DYSF: variants seen among roughly 807,000 people sequenced by gnomAD.
DYSF encodes the protein dysferlin.
In DYSF, 212 loss-of-function variants were observed where a neutral mutation model predicts 274.9. The observed-to-expected ratio is 0.77, with a 90% CI of 0.69 to 0.86. The LOEUF (loss-of-function observed/expected upper bound fraction) is 0.86, where lower values mean the gene tolerates loss of function less well. DYSF is among the 40% of genes least tolerant of loss of function. The pLI is 0.00. For synonymous variants in DYSF, 1,091 were observed against 1,078.7 expected (o/e 1.01, Z -0.22); for missense variants, 2,666 against 2,783.2 (o/e 0.96, Z 0.95).
chr2:71,583,436 A>G (rs1449082889), intron 30 of DYSF, among the ~76,000 whole-genome samples: 3 of 152,150 alleles, frequency 2.0e-5, no homozygotes, highest in African/African-American at 4.8e-5. Flanking sequence ...ACTCTGCTGG[A>G]GCAGGGAAGG....
intron 40 of DYSF, among the ~76,000 whole-genome samples, chr2:71,619,626 T>C (rs890171462): frequency 2.0e-5 from 3 of 152,186 alleles, no homozygotes; most frequent in African/African-American, 7.2e-5. Context: ...CTCTGGGTCC[T>C]AGCTGGCTGC....
intron 22 of DYSF, among the ~76,000 whole-genome samples, chr2:71,559,107 T>C (rs912482577): frequency 6.6e-6 from 1 of 152,084 alleles, no homozygotes; most frequent in African/African-American, 2.4e-5. Context: ...GCCTCCCCCT[T>C]CCCCAGGGCT....
At chr2:71,686,032 G>T (rs951680101) in intron 55 of DYSF, among the ~76,000 whole-genome samples, 6 of 152,192 alleles carry the variant, frequency 3.9e-5, no homozygotes, top group African/African-American at 1.4e-4. Context: ...TGTGGGGGAG[G>T]ACCCTGGGCC....
At chr2:71,467,715 G>C (rs767954963) in intron 1 of DYSF, among the ~76,000 whole-genome samples, 1 of 152,272 alleles carries the variant, frequency 6.6e-6, no homozygotes, top group South Asian at 2.1e-4. Context: ...TGTGAGTCAG[G>C]ACCCCAGTTC....
At chr2:71,612,590 A>G in intron 38 of DYSF, 51 bp from the exon 39 acceptor site, 3 of 1,606,496 alleles carry the variant, frequency 1.9e-6, no homozygotes, top group South Asian at 1.1e-5. Context: ...CTTGACCTGG[A>G]GACTTCCCAG....
chr2:71,620,585 G>A lies in DYSF; in HGVS notation c.4503G>A (p.Thr1501=), dbSNP rs531996668. Residue 1501 remains threonine (T), a synonymous_variant, in exon 41 of 56, where the codon ACG becomes ACA. Transcript: ENST00000410020. ...TGTCGAGCTTGGCCCCCACTAACAC[G>A]GCTTCTCCTCCATCCAGTCCTCATG... is the stretch of plus-strand genomic sequence containing the variant. ...DGLSSLAPTN[T]ASPPSSPHEE... is the part of the protein sequence containing the mutation. 2.8e-5 allele frequency: 44 copies of A among 1,551,538 alleles called. 1 individual carries two copies. The East Asian group carries it at 7.8e-4, about 28-fold the overall frequency.
At chr2:71,466,213 C>T (rs954299398), upstream of DYSF, among the ~76,000 whole-genome samples, 3 of 152,122 alleles carry the variant, frequency 2.0e-5, no homozygotes, top group Non-Finnish European at 2.9e-5. Context: ...GGCAATGAGG[C>T]GGGGGGCTCG....
In DYSF at chr2:71,570,272, T is replaced by C. The variant is rs1377670073; in HGVS notation, c.3023T>C (p.Leu1008Pro). 6.2e-7 allele frequency: 1 copy of C among 1,614,122 alleles called. No individual in the cohort carries two copies. Among genetic ancestry groups the C allele is most frequent in the Admixed American group, 1.7e-5 (1 of 60,020 alleles). ...VLPKDDIECP[L>P]GWKWEDEEWS... ...CCCAAGGATGACATTGAGTGCCCAC[T>C]GGGCTGGAAGTGGGAAGATGAGGAA... Residue 1008 changes from leucine (L) to proline (P), a missense_variant, in exon 28 of 56, where the codon CTG becomes CCG. Physicochemically the swap from Leu to Pro is moderately conservative, Grantham distance 98. Coordinates refer to ENST00000410020, the MANE Select transcript of DYSF (RefSeq NM_001130987.2).
intron 30 of DYSF, chr2:71,577,004 A>G (rs1350655866): frequency 6.6e-6 from 1 of 152,332 alleles, no homozygotes; most frequent in African/African-American, 2.4e-5. Flanking sequence ...GGAAGAGACC[A>G]AAGTGGCAAA....
rs534470681 is a variant in DYSF at position 71,569,073 on chromosome 2, A to C, written c.2864+735A>C. 2.0e-5 allele frequency among the ~76,000 whole-genome samples: 3 copies of C among 150,444 alleles called. No homozygotes were observed. The East Asian group carries it at 6.0e-4, about 30-fold the overall frequency. On this transcript the variant is annotated intron_variant, in intron 26 of 55. Transcript: ENST00000410020. ...TGTATTTTAGTAGAGACGAGGTTTC[A>C]CCATGTTAGCCAGGATGGTCTCGAT...
intron 3 of DYSF, among the ~76,000 whole-genome samples, chr2:71,488,176 C>T (rs1227035829): frequency 1.3e-5 from 2 of 151,620 alleles, no homozygotes; most frequent in African/African-American, 2.4e-5. Context: ...TAATTGTCCC[C>T]AATGAAAAGA....
chr2:71,502,137 C>T (rs1284332867), intron 3 of DYSF, among the ~76,000 whole-genome samples: 1 of 149,358 alleles, frequency 6.7e-6, no homozygotes, highest in African/African-American at 2.5e-5. Flanking sequence ...AATAGCCATC[C>T]TAATGGATGT....
intron 5 of DYSF, among the ~76,000 whole-genome samples, chr2:71,513,006 G>T (rs771098630): frequency 4.6e-5 from 7 of 152,190 alleles, no homozygotes; most frequent in Admixed American, 1.3e-4. Flanking sequence ...CTGGGACTGT[G>T]TTGAGGTGGA....
intron 22 of DYSF, among the ~76,000 whole-genome samples, chr2:71,557,856 G>A (rs1458048915): frequency 6.6e-6 from 1 of 151,872 alleles, no homozygotes; most frequent in Non-Finnish European, 1.5e-5. Context: ...GACCAGCCTG[G>A]CCCCATCTCT....
At position 71,665,223 on chromosome 2, in the gene DYSF, C is replaced by G. The variant is rs199827126; in HGVS notation, c.5236C>G (p.Gln1746Glu). 29 of 1,614,114 alleles carry G rather than the reference C, an allele frequency of 1.8e-5. No individual in the cohort carries two copies. Among genetic ancestry groups the G allele is most frequent in the Non-Finnish European group, 2.0e-5 (24 of 1,180,032 alleles). ...CTCCCAGCTCCTCCACCTCTTCTGC[C>G]AGCAGCATAGAGTCAAGGCACCTGT... is the stretch of plus-strand genomic sequence containing the variant. ...RPSQLLHLFCQQHRVKAPVYR... is the reference protein window; with the variant it reads ...RPSQLLHLFCEQHRVKAPVYR... Residue 1746 changes from glutamine to glutamate, a missense_variant, in exon 47 of 56, where the codon CAG becomes GAG. Gln to Glu is a conservative substitution (Grantham distance 29). This residue lies in a region of DYSF where 1,460 missense variants were observed against 1,502.1 expected (regional missense o/e 0.97). Coordinates refer to ENST00000410020, the MANE Select transcript of DYSF (RefSeq NM_001130987.2).
chr2:71,580,552 G>A (rs2092857083), intron 30 of DYSF, among the ~76,000 whole-genome samples: 1 of 152,236 alleles, frequency 6.6e-6, no homozygotes, highest in Non-Finnish European at 1.5e-5. Flanking sequence ...CTGTGAGCAA[G>A]GGCAGGCCCT....
intron 1 of DYSF, among the ~76,000 whole-genome samples, chr2:71,457,668 G>C (rs997070380): frequency 6.6e-6 from 1 of 152,108 alleles, no homozygotes; most frequent in Admixed American, 6.5e-5. Context: ...GGGGGTCCTT[G>C]CTCTCTGCCT....
intron 41 of DYSF, among the ~76,000 whole-genome samples, chr2:71,639,120 A>G (rs1377856539): frequency 1.3e-5 from 2 of 152,124 alleles, no homozygotes; most frequent in African/African-American, 4.8e-5. Flanking sequence ...GGCCATTTGT[A>G]TATCTTCTCT....
chr2:71,654,552 G>C (rs1263797018), intron 42 of DYSF, among the ~76,000 whole-genome samples: 1 of 152,200 alleles, frequency 6.6e-6, no homozygotes, highest in Non-Finnish European at 1.5e-5. Context: ...GGAGGCGGAG[G>C]TGGGAGGATT....
Sources: allele counts gnomAD v4.1 joint callset (sites outside exome capture counted in the v4.1 genomes callset), GRCh38; gene constraint gnomAD v4.1.1; regional missense constraint gnomAD v4.1.1; transcripts MANE v1.5; gene names NCBI Gene and HGNC (gene_info 2026-07-23, HGNC 2026-07-21).